The following PGBD5 variants were observed in gnomAD, a reference collection of about 807,000 sequenced individuals.
PGBD5 encodes piggyBac transposable element-derived protein 5.
PGBD5 carries 14 observed loss-of-function variants against 47.9 expected under a neutral mutation model. That is an observed-to-expected ratio of 0.29 (90% CI 0.19 to 0.46). PGBD5 has a LOEUF of 0.46. Among genes scored for constraint, PGBD5 ranks in the 20% least tolerant of loss-of-function variants. PGBD5 has a pLI of 1.00. For synonymous variants in PGBD5, 316 were observed against 306.3 expected (o/e 1.03, Z -0.33); for missense variants, 635 against 716.0 (o/e 0.89, Z 1.29).
intron 1 of PGBD5, among the ~76,000 whole-genome samples, chr1:230,392,108 T>C (rs186205679): frequency 4.3e-4 from 66 of 152,340 alleles, no homozygotes; most frequent in Non-Finnish European, 1.6e-4. Context: ...CTTGCTTTGA[T>C]TTTTTTCTCT....
At chr1:230,423,393 G>A (rs758626741) in intron 1 of PGBD5, among the ~76,000 whole-genome samples, 4 of 152,150 alleles carry the variant, frequency 2.6e-5, no homozygotes, top group African/African-American at 4.8e-5. Context: ...AGTGGGGAGC[G>A]CACGCTTGTC....
In PGBD5 at chr1:230,337,183, C is replaced by A; in HGVS notation, c.1000G>T (p.Ala334Ser). The A allele has an allele frequency of 6.2e-7, 1 of 1,614,234 alleles. No homozygotes were observed. The highest frequency in any genetic ancestry group is 8.5e-7 in the Non-Finnish European group (1 of 1,180,046). The stretch of plus-strand genomic sequence containing the variant: ...GTGAAAATGATGTAGTTCTTGCCTG[C>A]CGCGTTCCGGCACAGGCTCCTGGCC... Reference protein sequence around the residue: ...MVARSLCRNAAGKNYIIFTGP... With the variant: ...MVARSLCRNASGKNYIIFTGP... The change falls in exon 4 of 7, where the codon GCA becomes TCA. Residue 334 changes from alanine to serine, a missense_variant. Physicochemically the swap from Ala to Ser is moderately conservative, Grantham distance 99. Transcript: ENST00000391860.
chr1:230,373,893 T>C (rs2102720122), intron 1 of PGBD5, among the ~76,000 whole-genome samples: 1 of 152,212 alleles, frequency 6.6e-6, no homozygotes, highest in East Asian at 1.9e-4. Context: ...AGATGGTGTC[T>C]CACTATGTTG....
rs980064542 is a variant in PGBD5 at position 230,326,400 on chromosome 1, CAA to C, written c.1274-987_1274-986del. Among the ~76,000 whole-genome samples, 5 of 152,226 alleles carry C rather than the reference CAA, an allele frequency of 3.3e-5. No individual in the cohort carries two copies. The South Asian group carries it at 6.2e-4, about 19-fold the overall frequency. On this transcript the variant is annotated intron_variant, in intron 5 of 6. Transcript: ENST00000391860. ...TGCCATTGTATTCCAGCCTGGGTGA[CAA>C]GAGCGAAACTCCATCTCAAAATGAA...
chr1:230,407,360 G>A (rs1457635000), intron 1 of PGBD5, among the ~76,000 whole-genome samples: 1 of 152,192 alleles, frequency 6.6e-6, no homozygotes, highest in South Asian at 2.1e-4. Context: ...AAGAATTGCT[G>A]AGATTTGCCC....
intron 5 of PGBD5, 121 bp downstream of exon 5, chr1:230,332,723 G>A: frequency 8.7e-7 from 1 of 1,148,480 alleles, no homozygotes; most frequent in Non-Finnish European, 1.3e-6. Flanking sequence ...ATAACCGAGG[G>A]TAGTCTGACC....
chr1:230,379,669 C>A (rs992862472), intron 1 of PGBD5, among the ~76,000 whole-genome samples: 11 of 152,248 alleles, frequency 7.2e-5, no homozygotes, highest in African/African-American at 2.7e-4. Context: ...CAATACCCAG[C>A]TCAACTAGCC....
At chr1:230,376,906 A>T (rs1668022335) in intron 1 of PGBD5, among the ~76,000 whole-genome samples, 1 of 152,260 alleles carries the variant, frequency 6.6e-6, no homozygotes, top group Non-Finnish European at 1.5e-5. Flanking sequence ...CAAGACTGTC[A>T]GAAGGAGGCC....
intron 1 of PGBD5, among the ~76,000 whole-genome samples, chr1:230,375,545 G>A (rs759397756): frequency 3.3e-5 from 5 of 151,690 alleles, no homozygotes; most frequent in Non-Finnish European, 5.9e-5. Context: ...GATGTACAAA[G>A]GAAAATAACT....
chr1:230,399,259 A>G (rs192693921), intron 1 of PGBD5, among the ~76,000 whole-genome samples: 1 of 152,324 alleles, frequency 6.6e-6, no homozygotes, highest in Non-Finnish European at 1.5e-5. Flanking sequence ...TCTGAAATCT[A>G]AATTTTACTG....
At chr1:230,376,366 T>C (rs1055667419) in intron 1 of PGBD5, among the ~76,000 whole-genome samples, 1 of 152,022 alleles carries the variant, frequency 6.6e-6, no homozygotes, top group African/African-American at 2.4e-5. Context: ...AGTTCCACAC[T>C]TGGAAGCCCA....
rs1656775452 is a variant in PGBD5, at chr1:230,391,185, GC to G, written c.332-33865del. Among the ~76,000 whole-genome samples the G allele has an allele frequency of 2.0e-5, 3 of 152,092 alleles. No individual in the cohort carries two copies. In the South Asian group the frequency reaches 6.2e-4, roughly 32 times the overall value. ...GTGGGGCGGGAGGGAGCTGCTACCA[GC>G]CTGTCGCTGTGGCTGACATCTGGAA... is the stretch of plus-strand genomic sequence containing the variant. On this transcript the variant is annotated intron_variant, in intron 1 of 6. Transcript: ENST00000391860.
intron 5 of PGBD5, among the ~76,000 whole-genome samples, chr1:230,325,790 C>T (rs552615941): frequency 6.6e-6 from 1 of 152,180 alleles, no homozygotes; most frequent in South Asian, 2.1e-4. Flanking sequence ...CCTCCCTCCC[C>T]CTTCTGCCAG....
chr1:230,382,888 G>A (rs1020693428), intron 1 of PGBD5, among the ~76,000 whole-genome samples: 2 of 151,988 alleles, frequency 1.3e-5, no homozygotes, highest in Non-Finnish European at 2.9e-5. Context: ...GAATGTTCAA[G>A]GAGGGATCTT....
intron 5 of PGBD5, among the ~76,000 whole-genome samples, chr1:230,331,493 T>C (rs749474677): frequency 6.6e-6 from 1 of 152,080 alleles, no homozygotes; most frequent in Non-Finnish European, 1.5e-5. Flanking sequence ...CCCTGGAAAT[T>C]CCCTCGTCCT....
intron 1 of PGBD5, among the ~76,000 whole-genome samples, chr1:230,419,674 T>C (rs979914202): frequency 1.5e-4 from 23 of 152,334 alleles, no homozygotes; most frequent in African/African-American, 5.0e-4. Context: ...GATGTTCTAA[T>C]GGACTCTCTG....
rs762080298 is a variant in PGBD5 at position 230,350,971 on chromosome 1, C to G, written c.881G>C (p.Gly294Ala). Residue 294 changes from glycine (G) to alanine (A), a missense_variant, in exon 3 of 7, where the codon GGC becomes GCC. Gly to Ala is a moderately conservative substitution (Grantham distance 60). Transcript: ENST00000391860. ...SLWVRQCSST[G>A]FIIQIYVHLK... ...CCCAGGGCTCACCTGGATGATGAAGCCAGTGGAAGAACATTGTCTGACCCA... is the reference window on the plus strand; with the variant it reads ...CCCAGGGCTCACCTGGATGATGAAGGCAGTGGAAGAACATTGTCTGACCCA... 1.2e-6 allele frequency: 2 copies of G among 1,613,968 alleles called. No individual in the cohort carries two copies. Among genetic ancestry groups the G allele is most frequent in the Non-Finnish European group, 1.7e-6 (2 of 1,179,922 alleles).
At chr1:230,328,722 A>G (rs1342608520) in intron 5 of PGBD5, among the ~76,000 whole-genome samples, 1 of 152,154 alleles carries the variant, frequency 6.6e-6, no homozygotes, top group African/African-American at 2.4e-5. Flanking sequence ...CTTGACTGAC[A>G]TTCCTGCTAC....
intron 1 of PGBD5, among the ~76,000 whole-genome samples, chr1:230,398,483 C>A (rs1165714174): frequency 6.6e-6 from 1 of 152,182 alleles, no homozygotes; most frequent in Non-Finnish European, 1.5e-5. Context: ...TTTTAAAGAC[C>A]TCATCTCCAA....
Sources: gnomAD v4.1 joint callset for allele counts (sites outside exome capture counted in the v4.1 genomes callset) on GRCh38, gnomAD v4.1.1 for gene constraint, MANE v1.5 for transcripts, NCBI Gene and HGNC (gene_info 2026-07-23, HGNC 2026-07-21) for gene names.